LDAH: variants seen among roughly 807,000 people sequenced by gnomAD.
The protein encoded by LDAH is lipid droplet associated hydrolase, also known as lipid droplet-associated hydrolase.
A neutral mutation model predicts 29.6 loss-of-function variants in LDAH; 26 were observed. The ratio of observed to expected loss-of-function variants is 0.88; its 90% CI spans 0.64 to 1.22. The LOEUF (loss-of-function observed/expected upper bound fraction) is 1.22, where lower values mean the gene tolerates loss of function less well. Among genes scored for constraint, LDAH ranks in the 50% most tolerant of loss-of-function variants. LDAH has a pLI of 0.00. For synonymous variants in LDAH, 117 were observed against 133.0 expected (o/e 0.88, Z 0.83); for missense variants, 344 against 387.3 (o/e 0.89, Z 0.94).
At chr2:20,810,408 G>A (rs904830792) in intron 1 of LDAH, among the ~76,000 whole-genome samples, 1 of 152,136 alleles carries the variant, frequency 6.6e-6, no homozygotes, top group Non-Finnish European at 1.5e-5. Flanking sequence ...AAGTCACATA[G>A]CATCACTTCC....
intron 3 of LDAH, among the ~76,000 whole-genome samples, chr2:20,790,025 G>A (rs187177651): frequency 2.6e-5 from 4 of 152,110 alleles, no homozygotes; most frequent in Non-Finnish European, 4.4e-5. Context: ...TTACTAATTG[G>A]TAAATAAAGA....
intron 1 of LDAH, among the ~76,000 whole-genome samples, chr2:20,805,219 C>T (rs1671979526): frequency 6.6e-6 from 1 of 152,102 alleles, no homozygotes; most frequent in Admixed American, 6.5e-5. Context: ...AAATCAAGCT[C>T]AGTCTATAAA....
chr2:20,735,492 C>T (rs2149431555), intron 5 of LDAH, among the ~76,000 whole-genome samples: 1 of 152,094 alleles, frequency 6.6e-6, no homozygotes, highest in Middle Eastern at 3.4e-3. Flanking sequence ...TCTATCTTCT[C>T]ATTAGTTTCA....
chr2:20,744,879 C>T (rs1355481357), intron 4 of LDAH, among the ~76,000 whole-genome samples: 1 of 152,054 alleles, frequency 6.6e-6, no homozygotes, highest in Non-Finnish European at 1.5e-5. Context: ...CATGGCACTG[C>T]TTCCTGTGGG....
chr2:20,815,414 A>T (rs1373569307), intron 1 of LDAH, among the ~76,000 whole-genome samples: 2 of 152,128 alleles, frequency 1.3e-5, no homozygotes, highest in Non-Finnish European at 2.9e-5. Context: ...AAAAGACATA[A>T]ATCTACAGAG....
chr2:20,766,812 C>T lies in LDAH; in HGVS notation c.468+7998G>A, dbSNP rs569356472. Among the ~76,000 whole-genome samples the T allele has an allele frequency of 1.5e-4, 23 of 152,308 alleles. No homozygotes were observed. The East Asian group carries it at 1.7e-3, about 12-fold the overall frequency. On this transcript the variant is annotated intron_variant, in intron 4 of 6. Coordinates refer to ENST00000237822, the MANE Select transcript of LDAH (RefSeq NM_021925.4). ...GAAGTGGCTACAGGAGCTGCAATGG[C>T]GGTGGTGGGTCCCCTGTGCCCCACG... is the stretch of plus-strand genomic sequence containing the variant.
intron 6 of LDAH, among the ~76,000 whole-genome samples, chr2:20,692,103 T>G (rs955167042): frequency 5.3e-5 from 8 of 152,354 alleles, no homozygotes; most frequent in African/African-American, 1.9e-4. Flanking sequence ...AAAATGACTC[T>G]GATTCCATCC....
chr2:20,756,322 A>T (rs1377417054), intron 4 of LDAH, among the ~76,000 whole-genome samples: 3 of 152,124 alleles, frequency 2.0e-5, no homozygotes, highest in Non-Finnish European at 4.4e-5. Flanking sequence ...GGTGAGAGCC[A>T]CCGTGCCCAG....
chr2:20,816,271 A>C (rs949719259), intron 1 of LDAH, among the ~76,000 whole-genome samples: 2 of 152,112 alleles, frequency 1.3e-5, no homozygotes, highest in African/African-American at 4.8e-5. Flanking sequence ...CTTAAGCCCT[A>C]ACACAGCAAT....
intron 5 of LDAH, among the ~76,000 whole-genome samples, chr2:20,719,486 TAA>T (rs1558409199): frequency 1.3e-5 from 2 of 151,844 alleles, no homozygotes; most frequent in Admixed American, 1.3e-4. Context: ...ATAATAATAA[TAA>T]GTCTCCCATG....
intron 4 of LDAH, among the ~76,000 whole-genome samples, chr2:20,751,263 C>A (rs770718195): frequency 8.5e-5 from 13 of 152,188 alleles, no homozygotes; most frequent in Non-Finnish European, 1.6e-4. Flanking sequence ...CATTGTAAAA[C>A]CTTTATGTAA....
intron 5 of LDAH, among the ~76,000 whole-genome samples, chr2:20,706,732 G>A (rs1039340106): frequency 6.6e-6 from 1 of 150,844 alleles, no homozygotes; most frequent in African/African-American, 2.4e-5. Context: ...TAAAATACAT[G>A]AAGAAAAAAG....
intron 5 of LDAH, among the ~76,000 whole-genome samples, chr2:20,712,465 C>T (rs181479564): frequency 1.3e-5 from 2 of 152,094 alleles, no homozygotes; most frequent in Non-Finnish European, 2.9e-5. Flanking sequence ...TTCTAAAAAC[C>T]AGAGTGGCTC....
At chr2:20,784,520 C>T (rs1285194119) in intron 3 of LDAH, among the ~76,000 whole-genome samples, 10 of 152,092 alleles carry the variant, frequency 6.6e-5, no homozygotes, top group Non-Finnish European at 2.9e-5. Flanking sequence ...CTCTCTATTC[C>T]TAGCTTTAAT....
chr2:20,740,852 C>T (rs1667123289), intron 4 of LDAH, among the ~76,000 whole-genome samples: 1 of 152,174 alleles, frequency 6.6e-6, no homozygotes, highest in African/African-American at 2.4e-5. Flanking sequence ...AAACTGTCTT[C>T]CAAGGTGGTT....
At chr2:20,711,611 CA>C (rs1664772634) in intron 5 of LDAH, among the ~76,000 whole-genome samples, 1 of 152,178 alleles carries the variant, frequency 6.6e-6, no homozygotes, top group African/African-American at 2.4e-5. Flanking sequence ...ACACAAGGGT[CA>C]GGGGATTTCC....
At chr2:20,695,842 T>C (rs1304018456) in intron 6 of LDAH, among the ~76,000 whole-genome samples, 1 of 152,168 alleles carries the variant, frequency 6.6e-6, no homozygotes, top group South Asian at 2.1e-4. Context: ...AACCATTTTA[T>C]TGATGAATAA....
intron 4 of LDAH, among the ~76,000 whole-genome samples, chr2:20,774,198 T>C (rs1448797658): frequency 6.6e-6 from 1 of 152,262 alleles, no homozygotes; most frequent in Non-Finnish European, 1.5e-5. Context: ...TATAGTTCAC[T>C]TGCTTTCCTG....
intron 3 of LDAH, chr2:20,789,247 T>G: frequency 6.4e-7 from 1 of 1,550,420 alleles, no homozygotes; most frequent in East Asian, 2.4e-5. Flanking sequence ...TGGGAAGTAA[T>G]TAGGATCAGA....
Sources: gnomAD v4.1 joint callset for allele counts (sites outside exome capture counted in the v4.1 genomes callset) on GRCh38, gnomAD v4.1.1 for gene constraint, MANE v1.5 for transcripts, NCBI Gene and HGNC (gene_info 2026-07-23, HGNC 2026-07-21) for gene names.